Variants in AVEN observed in about 807,000 individuals in gnomAD.
AVEN encodes the protein apoptosis and caspase activation inhibitor.
A neutral mutation model predicts 38.1 loss-of-function variants in AVEN; 41 were observed. The ratio of observed to expected loss-of-function variants is 1.08; its 90% CI spans 0.84 to 1.40. The LOEUF (loss-of-function observed/expected upper bound fraction) is 1.40, where lower values mean the gene tolerates loss of function less well. Among genes scored for constraint, AVEN ranks in the 40% most tolerant of loss-of-function variants. AVEN has a pLI of 0.00. For synonymous variants in AVEN, 206 were observed against 171.8 expected (o/e 1.20, Z -1.56); for missense variants, 605 against 438.8 (o/e 1.38, Z -3.38).
chr15:33,960,243 A>G (rs980084753), intron 2 of AVEN, among the ~76,000 whole-genome samples: 1 of 152,212 alleles, frequency 6.6e-6, no homozygotes, highest in African/African-American at 2.4e-5. Context: ...AAATTAATAA[A>G]TAGAATTTTA....
intron 2 of AVEN, among the ~76,000 whole-genome samples, chr15:33,934,025 G>C (rs1396408090): frequency 6.6e-6 from 1 of 152,134 alleles, no homozygotes; most frequent in Non-Finnish European, 1.5e-5. Flanking sequence ...AAATCCCTCT[G>C]TTCTCATTGC....
At chr15:33,909,339 CA>C (rs1242746726) in intron 2 of AVEN, among the ~76,000 whole-genome samples, 1 of 151,536 alleles carries the variant, frequency 6.6e-6, no homozygotes, top group Non-Finnish European at 1.5e-5. Context: ...AACAAACAAA[CA>C]AAAAAACCTA....
At position 33,952,386 on chromosome 15, in the gene AVEN, G is replaced by C. The variant is rs565161963; in HGVS notation, c.445+50646C>G. ...AAATCTATCCTACTTTATCTGTCTA[G>C]ATAGATGCTTATCCATAATTGGGAC... On this transcript the variant is annotated intron_variant, in intron 2 of 5. Transcript: ENST00000306730. Among the ~76,000 whole-genome samples the C allele has an allele frequency of 2.6e-5, 4 of 152,266 alleles. No individual in the cohort carries two copies. In the South Asian group the frequency reaches 8.3e-4, roughly 32 times the overall value.
At chr15:33,990,212 AC>A (rs1660265081) in intron 2 of AVEN, among the ~76,000 whole-genome samples, 1 of 151,554 alleles carries the variant, frequency 6.6e-6, no homozygotes, top group Admixed American at 6.6e-5. Context: ...TCAAAAAAAA[AC>A]AAAACAAAAC....
chr15:33,988,778 T>G (rs1259913284), intron 2 of AVEN, among the ~76,000 whole-genome samples: 2 of 152,236 alleles, frequency 1.3e-5, no homozygotes, highest in Non-Finnish European at 2.9e-5. Context: ...ATAAATGACC[T>G]TGCTCTATCC....
intron 2 of AVEN, among the ~76,000 whole-genome samples, chr15:33,958,202 TC>T (rs1308634228): frequency 1.3e-5 from 2 of 152,234 alleles, no homozygotes; most frequent in African/African-American, 2.4e-5. Context: ...CAAAATATTA[TC>T]TTTAACCAAA....
intron 1 of AVEN, among the ~76,000 whole-genome samples, chr15:34,073,607 G>A (rs564663290): frequency 3.0e-4 from 42 of 138,024 alleles, no homozygotes; most frequent in Admixed American, 1.6e-3. Flanking sequence ...CACAACTTCC[G>A]CCTCCCGGGT....
In AVEN at chr15:34,063,007, C is replaced by T. The variant is rs1420151622; in HGVS notation, n.1552G>A. 6.2e-6 allele frequency: 10 copies of T among 1,614,104 alleles called. No homozygotes were observed. The highest frequency in any genetic ancestry group is 8.5e-6 in the Non-Finnish European group (10 of 1,180,050). ...ACCTACATCCTCATGGGACGCTGGG[C>T]TCTCGGGAGTCTGGCTTGTGACCTT... is the stretch of plus-strand genomic sequence containing the variant. On this transcript the variant is annotated non_coding_transcript_exon_variant, in exon 5 of 12. Transcript: ENST00000675287. This position sits in a 1 kb window ranked among gnomAD's most constrained non-coding sequence, Gnocchi z 4.1.
At chr15:34,020,707 A>ACTTAC (rs1487876265) in intron 1 of AVEN, among the ~76,000 whole-genome samples, 1 of 152,216 alleles carries the variant, frequency 6.6e-6, no homozygotes, top group East Asian at 1.9e-4. Context: ...CCCTTGACTG[A>ACTTAC]ATTACGACCT....
chr15:33,883,172 C>G (rs1431788400), intron 2 of AVEN, among the ~76,000 whole-genome samples: 1 of 152,154 alleles, frequency 6.6e-6, no homozygotes, highest in Non-Finnish European at 1.5e-5. Context: ...CAGAGCCAGC[C>G]AAACAACATC....
intron 2 of AVEN, among the ~76,000 whole-genome samples, chr15:33,882,906 C>T (rs1891550149): frequency 6.6e-6 from 1 of 151,948 alleles, no homozygotes; most frequent in African/African-American, 2.4e-5. Flanking sequence ...GAAACAAAAA[C>T]GGAAGAAAAT....
At chr15:33,992,401 A>T (rs1023200210) in intron 2 of AVEN, among the ~76,000 whole-genome samples, 1 of 152,196 alleles carries the variant, frequency 6.6e-6, no homozygotes, top group African/African-American at 2.4e-5. Flanking sequence ...AAAAAAAAGA[A>T]AAAAGAAAAT....
intron 2 of AVEN, among the ~76,000 whole-genome samples, chr15:33,897,915 C>T (rs965867546): frequency 3.9e-5 from 6 of 151,918 alleles, no homozygotes; most frequent in African/African-American, 1.2e-4. Flanking sequence ...ATGGGCCGGG[C>T]GTGGTAGCTC....
upstream of AVEN, among the ~76,000 whole-genome samples, chr15:34,041,584 T>C (rs1024918841): frequency 6.6e-6 from 1 of 152,220 alleles, no homozygotes; most frequent in Admixed American, 6.5e-5. Flanking sequence ...TGCTTGATAC[T>C]TTCAACTAGT....
chr15:34,034,446 TAAAAAAA>T (rs34205777), intron 1 of AVEN, among the ~76,000 whole-genome samples: 1 of 143,722 alleles, frequency 7.0e-6, no homozygotes, highest in Admixed American at 7.0e-5. Context: ...GTTTCTTTTT[TAAAAAAA>T]AAAAAAAAGG....
chr15:34,007,978 CA>C (rs971526407), intron 1 of AVEN, among the ~76,000 whole-genome samples: 3 of 152,172 alleles, frequency 2.0e-5, no homozygotes, highest in Non-Finnish European at 4.4e-5. Context: ...CTACCTTAAT[CA>C]AGTAAGACCT....
chr15:33,959,417 AG>A (rs1895083941), intron 2 of AVEN, among the ~76,000 whole-genome samples: 1 of 152,202 alleles, frequency 6.6e-6, no homozygotes, highest in South Asian at 2.1e-4. Context: ...ATTCCTCAGC[AG>A]GAAGTCCAAT....
chr15:34,062,359 T>C (rs1366362670), intron 5 of AVEN, among the ~76,000 whole-genome samples: 2 of 151,700 alleles, frequency 1.3e-5, no homozygotes, highest in Non-Finnish European at 2.9e-5. Context: ...ATCGAGACCA[T>C]CCCGCCTAAC....
chr15:34,046,938 A>C (rs513706), intron 5 of AVEN: 144,463 of 152,308 alleles, frequency 0.95, 68,983 homozygotes, highest in East Asian at 1. Context: ...ACCCATGGAA[A>C]AGGAGATCTC....
Sources: allele counts gnomAD v4.1 joint callset (sites outside exome capture counted in the v4.1 genomes callset), GRCh38; gene constraint gnomAD v4.1.1; non-coding constraint Gnocchi (gnomAD v3.1); transcripts MANE v1.5; gene names NCBI Gene and HGNC (gene_info 2026-07-23, HGNC 2026-07-21).